The following TENM2 variants were observed in gnomAD, a reference collection of about 807,000 sequenced individuals.
TENM2 encodes the protein teneurin transmembrane protein 2.
In TENM2, 52 loss-of-function variants were observed where a neutral mutation model predicts 245.2. The ratio of observed to expected loss-of-function variants is 0.21; its 90% CI spans 0.17 to 0.27. TENM2 has a LOEUF of 0.27. TENM2 is among the 10% of genes least tolerant of loss of function. The pLI, the probability that TENM2 is intolerant of heterozygous loss-of-function variation, is 1.00. For synonymous variants in TENM2, 1,363 were observed against 1,438.9 expected, an observed-to-expected ratio of 0.95 and a Z score of 1.19; for missense variants, 3,046 against 3,666.8, an observed-to-expected ratio of 0.83 and a Z score of 4.37.
At position 168,184,152 on chromosome 5, in the gene TENM2, C is replaced by T. The variant is rs1003198877; in HGVS notation, c.2570-6185C>T. Among the ~76,000 whole-genome samples, 6 of 152,318 alleles carry T rather than the reference C, an allele frequency of 3.9e-5. No homozygotes were observed. The East Asian group carries it at 1.2e-3, about 29-fold the overall frequency. On this transcript the variant is annotated intron_variant, in intron 13 of 28. Coordinates refer to ENST00000518659, the Ensembl canonical transcript of TENM2. ...CTTTGCCTGTTCTTGAACATCCTAT[C>T]GATGGGTCAGAGAGTACTCTTCAAA... is the stretch of plus-strand genomic sequence containing the variant.
chr5:167,476,161 G>C lies in TENM2; in HGVS notation c.502+100688G>C, dbSNP rs1406367510. Among the ~76,000 whole-genome samples the C allele has an allele frequency of 2.0e-5, 3 of 152,158 alleles. No individual in the cohort carries two copies. In the East Asian group the frequency reaches 5.8e-4, roughly 29 times the overall value. ...TTGAAAATGGAGATTTTTAAGAATA[G>C]CTTTTTCAGGTGATTATGGATATTC... On this transcript the variant is annotated intron_variant, in intron 2 of 28. Transcript: ENST00000518659.
chr5:168,161,423 G>C (rs1156572969), intron 12 of TENM2, among the ~76,000 whole-genome samples: 1 of 152,296 alleles, frequency 6.6e-6, no homozygotes, highest in Non-Finnish European at 1.5e-5. Context: ...CATATCCCAA[G>C]TGCACAACTC....
the TENM2 span, among the ~76,000 whole-genome samples, chr5:167,167,981 C>T: frequency 6.6e-6 from 1 of 152,104 alleles, no homozygotes; most frequent in Non-Finnish European, 1.5e-5. Context: ...GTAGTAATTG[C>T]AGAGGGAGGG....
At chr5:167,215,227 C>T in the TENM2 span, among the ~76,000 whole-genome samples, 269 of 152,280 alleles carry the variant, frequency 1.8e-3, no homozygotes, top group African/African-American at 5.9e-3. Context: ...GCATGGACAT[C>T]ACTTGAGAAG....
At chr5:167,312,410 T>C (rs1447572217) in intron 1 of TENM2, among the ~76,000 whole-genome samples, 1 of 152,102 alleles carries the variant, frequency 6.6e-6, no homozygotes, top group Non-Finnish European at 1.5e-5. Flanking sequence ...AAATATTGCT[T>C]AGAGTTCATG....
At chr5:167,331,948 A>G (rs1044429327) in intron 1 of TENM2, among the ~76,000 whole-genome samples, 7 of 152,186 alleles carry the variant, frequency 4.6e-5, no homozygotes, top group African/African-American at 1.7e-4. Flanking sequence ...TCAAGATAGC[A>G]TTTAGTGTAT....
intron 1 of TENM2, among the ~76,000 whole-genome samples, chr5:167,348,796 C>A (rs573008283): frequency 1.3e-5 from 2 of 152,266 alleles, no homozygotes; most frequent in African/African-American, 4.8e-5. Flanking sequence ...AAATGAAAGT[C>A]ATGCCGTTAC....
intron 2 of TENM2, among the ~76,000 whole-genome samples, chr5:167,666,552 A>G (rs908107037): frequency 1.3e-4 from 20 of 152,164 alleles, no homozygotes; most frequent in African/African-American, 4.8e-4. Flanking sequence ...AATATTAAAT[A>G]TTAATATTTT....
chr5:167,059,375 A>G, the TENM2 span, among the ~76,000 whole-genome samples: 1 of 152,218 alleles, frequency 6.6e-6, no homozygotes, highest in Non-Finnish European at 1.5e-5. Flanking sequence ...CTATTCACCC[A>G]TATAAACCTA....
chr5:168,217,016 G>C, intron 22 of TENM2, 94 bp downstream of exon 24: 1 of 1,387,300 alleles, frequency 7.2e-7, no homozygotes, highest in Non-Finnish European at 1.0e-6. Flanking sequence ...AGTGGAATGG[G>C]AGGGAGAGAT....
At chr5:168,099,690 G>A (rs752087588) in intron 9 of TENM2, among the ~76,000 whole-genome samples, 15 of 152,144 alleles carry the variant, frequency 9.9e-5, no homozygotes, top group Middle Eastern at 3.4e-3. Context: ...CACCCTCACC[G>A]CAATTGCTCT....
At chr5:167,926,820 A>G (rs1441994109) in intron 3 of TENM2, among the ~76,000 whole-genome samples, 1 of 151,726 alleles carries the variant, frequency 6.6e-6, no homozygotes, top group Admixed American at 6.6e-5. Context: ...GTCGACGTCA[A>G]TTCCTTAGTT....
intron 8 of TENM2, among the ~76,000 whole-genome samples, chr5:168,095,311 C>T: frequency 6.6e-6 from 1 of 152,162 alleles, no homozygotes. Context: ...ACTAATGTCA[C>T]ACCCTCCCTT....
the TENM2 span, among the ~76,000 whole-genome samples, chr5:167,212,595 A>G: frequency 6.6e-6 from 1 of 152,332 alleles, no homozygotes; most frequent in African/African-American, 2.4e-5. Context: ...TGGATGTGCC[A>G]TGGCTTATTG....
At chr5:167,481,245 C>A (rs1582165048) in intron 2 of TENM2, among the ~76,000 whole-genome samples, 1 of 152,178 alleles carries the variant, frequency 6.6e-6, no homozygotes, top group South Asian at 2.1e-4. Context: ...TGGCAAACTG[C>A]AGCCCACAGA....
intron 2 of TENM2, among the ~76,000 whole-genome samples, chr5:167,873,479 CGGT>C (rs1331354403): frequency 6.6e-6 from 1 of 151,994 alleles, no homozygotes; most frequent in Non-Finnish European, 1.5e-5. Context: ...ACTATCTGTG[CGGT>C]TTAACCTCTC....
the TENM2 span, among the ~76,000 whole-genome samples, chr5:167,165,569 G>A: frequency 4.7e-3 from 712 of 152,052 alleles, 5 homozygotes; most frequent in African/African-American, 0.016. Flanking sequence ...ACACCAAATC[G>A]GGAATAATTA....
intron 2 of TENM2, among the ~76,000 whole-genome samples, chr5:167,686,430 A>C (rs982293725): frequency 2.0e-5 from 3 of 152,216 alleles, no homozygotes; most frequent in Non-Finnish European, 4.4e-5. Flanking sequence ...TGTATTCTGC[A>C]ACCCAAACGT....
chr5:167,418,003 C>T lies in TENM2; in HGVS notation c.502+42530C>T, dbSNP rs138596798. ...GTCACTAAGTATTTGTGCTTGTACA[C>T]GTACATCCTCACCTAGACCACAATC... is the stretch of plus-strand genomic sequence containing the variant. On this transcript the variant is annotated intron_variant, in intron 2 of 28. Transcript: ENST00000518659. 3.0e-3 allele frequency among the ~76,000 whole-genome samples: 463 copies of T among 152,278 alleles called. 2 individuals carry two copies. The highest frequency in any genetic ancestry group is 0.018 in the East Asian group (92 of 5,178).
Sources: allele counts gnomAD v4.1 joint callset (sites outside exome capture counted in the v4.1 genomes callset), GRCh38; gene constraint gnomAD v4.1.1; transcripts MANE v1.5; gene names NCBI Gene and HGNC (gene_info 2026-07-23, HGNC 2026-07-21).